Variants in NUS1 observed in about 807,000 individuals in gnomAD.
The protein encoded by NUS1 is dehydrodolichyl diphosphate synthase complex subunit NUS1.
For synonymous variants in NUS1, 135 were observed against 155.2 expected (o/e 0.87, Z 0.97); for missense variants, 292 against 382.9 (o/e 0.76, Z 1.98).
chr6:117,692,483 A>G lies in NUS1; in HGVS notation c.416-559A>G, dbSNP rs143685723. ...CTTTTCCCTGCATAGAGGACCATAC[A>G]TTGTTCTTTGTATTTTATTTCTGTG... On this transcript the variant is annotated intron_variant, in intron 1 of 4. Coordinates refer to ENST00000368494, the MANE Select transcript of NUS1 (RefSeq NM_138459.5). Among the ~76,000 whole-genome samples, 692 of 152,158 alleles carry G rather than the reference A, an allele frequency of 4.5e-3. 3 individuals are homozygous for G. The highest frequency in any genetic ancestry group is 0.024 in the Middle Eastern group (7 of 294).
chr6:117,694,682 T>C (rs1452946346), intron 3 of NUS1, among the ~76,000 whole-genome samples: 1 of 152,194 alleles, frequency 6.6e-6, no homozygotes, highest in Non-Finnish European at 1.5e-5. Context: ...TTCAGCTGTT[T>C]AAATAAGCCT....
chr6:117,682,988 A>T (rs1397192361), intron 1 of NUS1, among the ~76,000 whole-genome samples: 1 of 152,200 alleles, frequency 6.6e-6, no homozygotes, highest in Non-Finnish European at 1.5e-5. Context: ...ACTAGTGTAC[A>T]TGTTCATCCT....
rs1236328961 is a variant in NUS1, at chr6:117,691,552, G to GATATATATATAT, written c.416-1485_416-1484insTATATATATATA. On this transcript the variant is annotated intron_variant, in intron 1 of 4. Coordinates refer to ENST00000368494, the MANE Select transcript of NUS1 (RefSeq NM_138459.5). ...TATATTCAGCAGGTTCTGTGCCATA[G>GATATATATATAT]ATATAGATATATATATATATATATA... Among the ~76,000 whole-genome samples the GATATATATATAT allele has an allele frequency of 6.3e-3, 237 of 37,452 alleles. 4 individuals carry two copies. Among genetic ancestry groups the GATATATATATAT allele is most frequent in the South Asian group, 0.017 (14 of 818 alleles). 24.6% of individuals were successfully genotyped at this position (37,452 alleles called of 152,430 possible).
intron 1 of NUS1, among the ~76,000 whole-genome samples, chr6:117,677,268 A>G (rs1365337270): frequency 6.6e-6 from 1 of 152,222 alleles, no homozygotes; most frequent in Non-Finnish European, 1.5e-5. Context: ...TGTTGAGAGT[A>G]AAATTACTAT....
At chr6:117,706,872 C>G (rs761072379) in intron 4 of NUS1, 53 bp from the exon 5 acceptor site, 37 of 1,403,554 alleles carry the variant, frequency 2.6e-5, no homozygotes, top group Non-Finnish European at 3.7e-5. Context: ...TGGTTCCCCC[C>G]TACATTACAG....
chr6:117,707,170 A>T lies in NUS1; in HGVS notation c.*155A>T, dbSNP rs973360172. On this transcript the variant is annotated 3_prime_UTR_variant, in exon 5 of 5. Coordinates refer to ENST00000368494, the MANE Select transcript of NUS1 (RefSeq NM_138459.5). ...CAAAAAAGTGTCTTACTTGAGAGTGAGTGTGTGTGTGTGCGTGTGCACGTG... is the reference window on the plus strand; with the variant it reads ...CAAAAAAGTGTCTTACTTGAGAGTGTGTGTGTGTGTGTGCGTGTGCACGTG... 4.5e-6 allele frequency: 3 copies of T among 662,814 alleles called. No homozygotes were observed. Among genetic ancestry groups the T allele is most frequent in the Non-Finnish European group, 7.9e-6 (3 of 377,630 alleles). 41.1% of individuals were successfully genotyped at this position (662,814 alleles called of 1,614,324 possible).
At position 117,675,614 on chromosome 6, in the gene NUS1, C is replaced by T. The variant is rs1306834889; in HGVS notation, c.-57C>T. ...GCCGGCCGCAGGGGCGGATAAAAAG[C>T]CGTCGCGCTGCGGGAGTGGGCGGGA... On this transcript the variant is annotated 5_prime_UTR_variant, in exon 1 of 5. Transcript: ENST00000368494. The T allele has an allele frequency of 6.4e-6, 9 of 1,407,012 alleles. No individual in the cohort carries two copies. The highest frequency in any genetic ancestry group is 7.7e-6 in the Non-Finnish European group (8 of 1,037,550). 87.2% of individuals were successfully genotyped at this position (1,407,012 alleles called of 1,614,324 possible).
chr6:117,703,574 T>A, intron 3 of NUS1, 31 bp from the exon 4 acceptor site: 1 of 1,480,536 alleles, frequency 6.8e-7, no homozygotes, highest in Non-Finnish European at 9.4e-7. Flanking sequence ...GCAGTGCATG[T>A]TAAGTTCATG....
rs1458376667 is a variant in NUS1, at chr6:117,708,418, A to G, written c.*1403A>G. 4 of 152,452 alleles carry G rather than the reference A, an allele frequency of 2.6e-5. No individual in the cohort carries two copies. The highest frequency in any genetic ancestry group is 5.9e-5 in the Non-Finnish European group (4 of 67,960). 9.4% of individuals were successfully genotyped at this position (152,452 alleles called of 1,614,324 possible). On this transcript the variant is annotated 3_prime_UTR_variant, in exon 5 of 5. Transcript: ENST00000368494. ...TACATTTAGAATGGAGCAGTTTAAT[A>G]CTAGATCTCAGAAGTTTTGAAAAAT...
intron 1 of NUS1, among the ~76,000 whole-genome samples, chr6:117,677,876 G>C (rs1471494476): frequency 6.6e-6 from 1 of 152,212 alleles, no homozygotes; most frequent in Non-Finnish European, 1.5e-5. Flanking sequence ...AATAGGTGAA[G>C]CAAAAGTGGA....
intron 3 of NUS1, among the ~76,000 whole-genome samples, chr6:117,699,609 T>A (rs1773373468): frequency 6.6e-6 from 1 of 152,092 alleles, no homozygotes; most frequent in Admixed American, 6.5e-5. Context: ...ATGCAGTCTA[T>A]CAAAATATCA....
At chr6:117,690,822 T>A (rs924364360) in intron 1 of NUS1, among the ~76,000 whole-genome samples, 2 of 151,608 alleles carry the variant, frequency 1.3e-5, no homozygotes, top group African/African-American at 4.8e-5. Flanking sequence ...AAACCCCATC[T>A]CTCCTAAAAA....
At chr6:117,692,987 T>C (rs1773262920) in intron 1 of NUS1, 55 bp from the exon 2 acceptor site, 10 of 1,468,226 alleles carry the variant, frequency 6.8e-6, no homozygotes, top group Non-Finnish European at 8.5e-6. Flanking sequence ...AAGCATTCAC[T>C]TGAAGAGGAA....
At chr6:117,685,251 G>A (rs929113451) in intron 1 of NUS1, among the ~76,000 whole-genome samples, 1 of 151,970 alleles carries the variant, frequency 6.6e-6, no homozygotes, top group Non-Finnish European at 1.5e-5. Context: ...AGATTTTGTG[G>A]TTTTACTTTT....
In NUS1 at chr6:117,706,912, G is replaced by T. The variant is rs1185248187; in HGVS notation, c.792-13G>T. On this transcript the variant is annotated splice_polypyrimidine_tract_variant and intron_variant, in intron 4 of 4. Transcript: ENST00000368494. ...TATCTAATTGCTTTTCTCCCCCCGTGTTTTCTTTTCAGCTCTTTGCCTTCC... is the reference window on the plus strand; with the variant it reads ...TATCTAATTGCTTTTCTCCCCCCGTTTTTTCTTTTCAGCTCTTTGCCTTCC... 6.2e-7 allele frequency: 1 copy of T among 1,609,610 alleles called. No individual in the cohort carries two copies. Among genetic ancestry groups the T allele is most frequent in the Admixed American group, 1.7e-5 (1 of 59,946 alleles).
chr6:117,679,585 G>A (rs1206276342), intron 1 of NUS1, among the ~76,000 whole-genome samples: 1 of 152,190 alleles, frequency 6.6e-6, no homozygotes. Context: ...TTCAGATAGA[G>A]TCTGGGACCC....
At position 117,709,333 on chromosome 6, in the gene NUS1, G is replaced by A. The variant is rs1384284752; in HGVS notation, c.*2318G>A. The A allele has an allele frequency of 1.4e-5, 2 of 146,152 alleles. No individual in the cohort carries two copies. Among genetic ancestry groups the A allele is most frequent in the African/African-American group, 2.5e-5 (1 of 39,236 alleles). 9.1% of individuals were successfully genotyped at this position (146,152 alleles called of 1,614,324 possible). On this transcript the variant is annotated 3_prime_UTR_variant, in exon 5 of 5. Coordinates refer to ENST00000368494, the MANE Select transcript of NUS1 (RefSeq NM_138459.5). ...CACTCCCCACAATGGAAAAATTACC[G>A]AATTAAACCTGTTTTATGGATGGCA... is the stretch of plus-strand genomic sequence containing the variant.
At chr6:117,701,202 C>T (rs1371481349) in intron 3 of NUS1, among the ~76,000 whole-genome samples, 2 of 150,048 alleles carry the variant, frequency 1.3e-5, no homozygotes, top group South Asian at 2.1e-4. Context: ...TCTTCCAGTT[C>T]ATGATCATAG....
intron 1 of NUS1, among the ~76,000 whole-genome samples, chr6:117,692,138 A>G (rs1773231715): frequency 6.6e-6 from 1 of 152,086 alleles, no homozygotes; most frequent in African/African-American, 2.4e-5. Context: ...TACAAAGAGA[A>G]CTGGTTTGAT....
Sources: gnomAD v4.1 joint callset for allele counts (sites outside exome capture counted in the v4.1 genomes callset) on GRCh38, gnomAD v4.1.1 for gene constraint, MANE v1.5 for transcripts, NCBI Gene and HGNC (gene_info 2026-07-23, HGNC 2026-07-21) for gene names.